ARIH1: variants seen among roughly 807,000 people sequenced by gnomAD.
ARIH1 encodes ariadne RBR E3 ubiquitin protein ligase 1, also known as E3 ubiquitin-protein ligase ARIH1.
ARIH1 carries 8 observed loss-of-function variants against 85.0 expected under a neutral mutation model. The observed-to-expected ratio is 0.09, with a 90% CI of 0.06 to 0.17. The LOEUF is 0.17. Ranked by LOEUF, ARIH1 falls within the 10% of genes least tolerant of loss-of-function variation. The probability of loss-of-function intolerance (pLI) is 1.00; values close to 1 mark genes in which losing one functional copy is unlikely to be tolerated. For missense variants in ARIH1, 311 were observed against 718.1 expected (o/e 0.43, Z 6.48); for synonymous variants, 238 against 253.6 (o/e 0.94, Z 0.59).
intron 1 of ARIH1, among the ~76,000 whole-genome samples, chr15:72,484,350 T>C (rs2140392471): frequency 6.6e-6 from 1 of 152,138 alleles, no homozygotes; most frequent in South Asian, 2.1e-4. Flanking sequence ...TTTGTGAGAT[T>C]TTGGTGCACC....
chr15:72,537,215 T>TA (rs1204551011), intron 2 of ARIH1, among the ~76,000 whole-genome samples: 1 of 152,174 alleles, frequency 6.6e-6, no homozygotes, highest in Non-Finnish European at 1.5e-5. Context: ...ATTCTGAACT[T>TA]ACCTAGTAGA....
At chr15:72,538,308 G>A (rs2064091800) in intron 2 of ARIH1, among the ~76,000 whole-genome samples, 1 of 152,194 alleles carries the variant, frequency 6.6e-6, no homozygotes. Flanking sequence ...AAGTTGCAGT[G>A]AGCTGAGATG....
chr15:72,555,132 T>C (rs2064169558), intron 3 of ARIH1, 139 bp from the exon 4 acceptor site: 1 of 619,816 alleles, frequency 1.6e-6, no homozygotes, highest in Admixed American at 3.0e-5. Flanking sequence ...GAAAAGTTCA[T>C]TTTAGGAGCC....
rs144565822 is a variant in ARIH1 at position 72,518,748 on chromosome 15, A to T, written c.443+614A>T. 3.1e-3 allele frequency among the ~76,000 whole-genome samples: 474 copies of T among 151,512 alleles called. 3 individuals carry two copies. The highest frequency in any genetic ancestry group is 0.011 in the African/African-American group (457 of 41,250). On this transcript the variant is annotated intron_variant, in intron 2 of 13. Transcript: ENST00000379887. Reference sequence around the variant, plus strand: ...GGTTGCAGTGAGCAGAGATGGCGCTACTACACTCCAGCCTGGCAACAGAGC... The same window carrying T: ...GGTTGCAGTGAGCAGAGATGGCGCTTCTACACTCCAGCCTGGCAACAGAGC...
Position 72,596,535 on chromosome 15 carries a change from C to T in ARIH1, c.*13243C>T, listed in dbSNP as rs778000612. On this transcript the variant is annotated 3_prime_UTR_variant, in exon 14 of 14. Transcript: ENST00000379887. Reference sequence around the variant, plus strand: ...TTATCCGTTTACATTTTTCTCTTGTCTCATACTCTCTTGCTTCTCCTCTTC... The same window carrying T: ...TTATCCGTTTACATTTTTCTCTTGTTTCATACTCTCTTGCTTCTCCTCTTC... 6.6e-6 allele frequency: 1 copy of T among 152,158 alleles called. No individual in the cohort carries two copies. The allele number at this position is 152,158 out of a possible 1,614,324, so 9.4% of individuals were successfully genotyped here. A position where few individuals can be genotyped will look rare whatever the true frequency, so the allele number is the denominator to read the frequency against.
intron 2 of ARIH1, 68 bp downstream of exon 2, chr15:72,518,202 AGAATC>A: frequency 7.5e-7 from 1 of 1,336,862 alleles, no homozygotes; most frequent in Admixed American, 2.0e-5. Flanking sequence ...CGAATTTACA[AGAATC>A]AAGTAAGGGA....
intron 3 of ARIH1, among the ~76,000 whole-genome samples, chr15:72,547,914 T>A (rs1266384143): frequency 6.6e-6 from 1 of 152,226 alleles, no homozygotes; most frequent in Non-Finnish European, 1.5e-5. Context: ...TTCTCGCTGT[T>A]CTTAATATGG....
Position 72,497,688 on chromosome 15 carries a change from G to A in ARIH1, c.376-20379G>A, listed in dbSNP as rs1042678488. ...TGCAGATATTTGCATCATTTTCTAT[G>A]CTGTTATGCTTCTAAAAAGAAGAGG... On this transcript the variant is annotated intron_variant, in intron 1 of 13. Transcript: ENST00000379887. Among the ~76,000 whole-genome samples, 13 of 152,272 alleles carry A rather than the reference G, an allele frequency of 8.5e-5. No homozygotes were observed. The East Asian group carries it at 2.5e-3, about 29-fold the overall frequency.
intron 2 of ARIH1, among the ~76,000 whole-genome samples, chr15:72,524,456 C>T (rs1158445092): frequency 5.9e-5 from 9 of 152,094 alleles, no homozygotes; most frequent in African/African-American, 4.8e-5. Context: ...TCAAGTGATC[C>T]GCCCACCTTG....
At chr15:72,553,745 T>G (rs2064162662) in intron 3 of ARIH1, among the ~76,000 whole-genome samples, 1 of 152,050 alleles carries the variant, frequency 6.6e-6, no homozygotes, top group Non-Finnish European at 1.5e-5. Flanking sequence ...GGTGAAACCC[T>G]GTTTCTACTA....
rs2064324962 is a variant in ARIH1 at position 72,588,017 on chromosome 15, G to C, written c.*4725G>C. ...AGGACTATTTTCAGGGTAGGAGCCA[G>C]TTAAAGTTTGTATATCAGTCACACA... On this transcript the variant is annotated 3_prime_UTR_variant, in exon 14 of 14. Coordinates refer to ENST00000379887, the MANE Select transcript of ARIH1 (RefSeq NM_005744.5). 6.6e-6 allele frequency: 1 copy of C among 152,302 alleles called. No individual in the cohort carries two copies. Among genetic ancestry groups the C allele is most frequent in the African/African-American group, 2.4e-5 (1 of 41,566 alleles). 9.4% of individuals were successfully genotyped at this position (152,302 alleles called of 1,614,324 possible).
Position 72,572,178 on chromosome 15 carries a change from A to G in ARIH1, c.1215+13A>G, listed in dbSNP as rs1037562844. The G allele has an allele frequency of 5.1e-6, 8 of 1,561,662 alleles. No homozygotes were observed. The African/African-American group carries it at 6.8e-5, about 13-fold the overall frequency. On this transcript the variant is annotated intron_variant, in intron 11 of 13. Coordinates refer to ENST00000379887, the MANE Select transcript of ARIH1 (RefSeq NM_005744.5). ...AGATGCACAGGAGGTAAGTATATGT[A>G]TAACAGGACAATAGTTGACTAAGAA... is the stretch of plus-strand genomic sequence containing the variant.
At chr15:72,549,000 G>A (rs930385780) in intron 3 of ARIH1, among the ~76,000 whole-genome samples, 5 of 151,568 alleles carry the variant, frequency 3.3e-5, no homozygotes, top group African/African-American at 1.2e-4. Context: ...CCAACTTAAT[G>A]TTTTAGGTTA....
chr15:72,494,742 T>C (rs1006872718), intron 1 of ARIH1, among the ~76,000 whole-genome samples: 3 of 150,910 alleles, frequency 2.0e-5, no homozygotes, highest in East Asian at 1.9e-4. Flanking sequence ...TCCATTAGAA[T>C]AACCTGTGAA....
chr15:72,486,694 C>CTTTTTTTTTTTTTTT (rs34770375), intron 1 of ARIH1, among the ~76,000 whole-genome samples: 1 of 92,850 alleles, frequency 1.1e-5, no homozygotes, highest in Non-Finnish European at 1.9e-5. Context: ...TTAAAAATGA[C>CTTTTTTTTTTTTTTT]TTTTTTTTTT....
rs556986406 is a variant in ARIH1, at chr15:72,525,281, T to C, written c.443+7147T>C. On this transcript the variant is annotated intron_variant, in intron 2 of 13. Transcript: ENST00000379887. The stretch of plus-strand genomic sequence containing the variant: ...ATAACATTTACAACATTAACAGATT[T>C]ATGAAGATAAAGAATAATCATAATA... 3.3e-4 allele frequency among the ~76,000 whole-genome samples: 50 copies of C among 152,340 alleles called. 1 individual carries two copies. In the South Asian group the frequency reaches 0.01, roughly 31 times the overall value.
intron 5 of ARIH1, 149 bp downstream of exon 5, chr15:72,556,056 A>G (rs1447073173): frequency 1.1e-5 from 7 of 626,410 alleles, no homozygotes; most frequent in Non-Finnish European, 1.9e-5. Context: ...ACAAAAGCCC[A>G]TTTGTAACTT....
In ARIH1 at chr15:72,535,077, G is replaced by A. The variant is rs1054400565; in HGVS notation, c.444-9743G>A. 3.1e-4 allele frequency among the ~76,000 whole-genome samples: 45 copies of A among 147,062 alleles called. No homozygotes were observed. In the Admixed American group the frequency reaches 3.1e-3, roughly 10 times the overall value. On this transcript the variant is annotated intron_variant, in intron 2 of 13. Coordinates refer to ENST00000379887, the MANE Select transcript of ARIH1 (RefSeq NM_005744.5). Reference sequence around the variant, plus strand: ...TGCCATTCTCCTGCCTCAGCCTCCCGAGTAGCTGGGACTACAGGCGCCCGC... The same window carrying A: ...TGCCATTCTCCTGCCTCAGCCTCCCAAGTAGCTGGGACTACAGGCGCCCGC...
At chr15:72,554,849 G>C (rs1395340614) in intron 3 of ARIH1, among the ~76,000 whole-genome samples, 2 of 152,094 alleles carry the variant, frequency 1.3e-5, no homozygotes, top group Admixed American at 1.3e-4. Flanking sequence ...CGCCTCCCAG[G>C]CTCAGGCAGT....
Sources: allele counts gnomAD v4.1 joint callset (sites outside exome capture counted in the v4.1 genomes callset), GRCh38; gene constraint gnomAD v4.1.1; transcripts MANE v1.5; gene names NCBI Gene and HGNC (gene_info 2026-07-23, HGNC 2026-07-21).